Variants in ZC3H3 observed in about 807,000 individuals in gnomAD.
The protein encoded by ZC3H3 is zinc finger CCCH-type containing 3.
Under a neutral mutation model 77.3 loss-of-function variants are expected in ZC3H3, and 36 were observed. That is an observed-to-expected ratio of 0.47 (90% CI 0.36 to 0.61). The LOEUF (loss-of-function observed/expected upper bound fraction) is 0.61, where lower values mean the gene tolerates loss of function less well. Ranked by LOEUF, ZC3H3 falls within the 20% of genes least tolerant of loss-of-function variation. The pLI, the probability that ZC3H3 is intolerant of heterozygous loss-of-function variation, is 0.00. For synonymous variants in ZC3H3, 626 were observed against 555.2 expected (o/e 1.13, Z -1.79); for missense variants, 1,331 against 1,312.2 (o/e 1.01, Z -0.22).
chr8:143,501,176 G>A (rs1821514538), intron 4 of ZC3H3, among the ~76,000 whole-genome samples: 1 of 151,940 alleles, frequency 6.6e-6, no homozygotes, highest in African/African-American at 2.4e-5. Context: ...GGCACCCAGA[G>A]TTGGGCCATG....
At chr8:143,540,508 G>C (rs1822975085) in intron 1 of ZC3H3, among the ~76,000 whole-genome samples, 1 of 152,222 alleles carries the variant, frequency 6.6e-6, no homozygotes, top group African/African-American at 2.4e-5. Flanking sequence ...GGGATTACAG[G>C]TGTGGGCCAC....
intron 4 of ZC3H3, among the ~76,000 whole-genome samples, chr8:143,498,369 C>T (rs984214926): frequency 2.0e-5 from 3 of 152,304 alleles, no homozygotes; most frequent in Admixed American, 2.0e-4. Flanking sequence ...CAGGAGATCC[C>T]GGTACTTAGG....
In ZC3H3 at chr8:143,504,119, G is replaced by C. The variant is rs1008605057; in HGVS notation, c.1715+3627C>G. Among the ~76,000 whole-genome samples the C allele has an allele frequency of 2.0e-5, 3 of 152,182 alleles. No homozygotes were observed. In the East Asian group the frequency reaches 5.8e-4, roughly 29 times the overall value. On this transcript the variant is annotated intron_variant, in intron 4 of 11. Transcript: ENST00000262577. ...GGAGTTTCTAGAGCTTCCCAGAGGAGGGAACAGGCCTAATCACCCTGAGCC... is the reference window on the plus strand; with the variant it reads ...GGAGTTTCTAGAGCTTCCCAGAGGACGGAACAGGCCTAATCACCCTGAGCC...
intron 9 of ZC3H3, among the ~76,000 whole-genome samples, chr8:143,455,614 AT>A (rs1326603576): frequency 2.6e-5 from 4 of 152,156 alleles, no homozygotes; most frequent in Non-Finnish European, 5.9e-5. Flanking sequence ...ATTAATGTTA[AT>A]TTTGCTGTCA....
chr8:143,453,999 C>T (rs77022820), intron 9 of ZC3H3, among the ~76,000 whole-genome samples: 1,560 of 152,198 alleles, frequency 0.01, 20 homozygotes, highest in African/African-American at 0.033. Flanking sequence ...TCACTCTCTG[C>T]AGTTTCAGTT....
intron 3 of ZC3H3, among the ~76,000 whole-genome samples, chr8:143,516,962 T>C (rs1159033432): frequency 1.3e-5 from 2 of 152,064 alleles, no homozygotes; most frequent in East Asian, 3.8e-4. Flanking sequence ...AGCCGCCCTG[T>C]CCCCCCCGTG....
At chr8:143,508,738 T>G (rs1482879675) in intron 3 of ZC3H3, among the ~76,000 whole-genome samples, 1 of 73,960 alleles carries the variant, frequency 1.4e-5, no homozygotes, top group Admixed American at 1.5e-4. Flanking sequence ...CTCCACCCCC[T>G]TCAGGGTCGC....
At chr8:143,500,096 C>G (rs1041259148) in intron 4 of ZC3H3, among the ~76,000 whole-genome samples, 4 of 152,264 alleles carry the variant, frequency 2.6e-5, no homozygotes, top group Admixed American at 1.3e-4. Flanking sequence ...CTCAACCCCC[C>G]ACAGGCCCCT....
intron 4 of ZC3H3, chr8:143,484,704 T>G: frequency 4.0e-6 from 1 of 249,044 alleles, no homozygotes. Flanking sequence ...TTGGGCTGGG[T>G]CATCGGCCCA....
At chr8:143,523,608 G>C (rs1274263037) in intron 3 of ZC3H3, 1 of 902,538 alleles carries the variant, frequency 1.1e-6, no homozygotes, top group Non-Finnish European at 1.3e-6. Context: ...ACATCCGTTT[G>C]AGGACCCCTG....
In ZC3H3 at chr8:143,507,819, C is replaced by T. The variant is rs1352895825; in HGVS notation, c.1642G>A (p.Ala548Thr). ...AAGGGCGGGGCGCTGAGAGGCGAGG[C>T]CGGCGTCTTCTTGACAATGCGGTAG... ...TRYRIVKKTP[A>T]SPLSAPPFPL... The change falls in exon 4 of 12, where the codon GCC becomes ACC. Residue 548 changes from alanine (A) to threonine (T), a missense_variant. Physicochemically the swap from Ala to Thr is moderately conservative, Grantham distance 58. Around this residue, in one of 3 missense-constraint regions of ZC3H3, gnomAD observed 978 missense variants for 915.5 expected, o/e 1.07. Transcript: ENST00000262577. 5 of 1,609,302 alleles carry T rather than the reference C, an allele frequency of 3.1e-6. No homozygotes were observed. Among genetic ancestry groups the T allele is most frequent in the South Asian group, 1.1e-5 (1 of 90,918 alleles).
chr8:143,517,632 C>G (rs1046156856), intron 3 of ZC3H3, among the ~76,000 whole-genome samples: 1 of 152,196 alleles, frequency 6.6e-6, no homozygotes, highest in African/African-American at 2.4e-5. Flanking sequence ...GCTCTCCCCA[C>G]TGGCCTGCAG....
intron 3 of ZC3H3, among the ~76,000 whole-genome samples, chr8:143,508,483 G>A (rs981801462): frequency 3.9e-5 from 6 of 152,202 alleles, no homozygotes; most frequent in Non-Finnish European, 5.9e-5. Context: ...TAGACACGAC[G>A]GCTTTTTTCT....
intron 3 of ZC3H3, among the ~76,000 whole-genome samples, chr8:143,511,579 G>A (rs1156878018): frequency 6.6e-6 from 1 of 152,118 alleles, no homozygotes; most frequent in African/African-American, 2.4e-5. Context: ...GAGTATCCTG[G>A]GGAGCTGTCC....
At chr8:143,524,495 G>A (rs1822349046) in intron 3 of ZC3H3, among the ~76,000 whole-genome samples, 1 of 152,258 alleles carries the variant, frequency 6.6e-6, no homozygotes. Flanking sequence ...CGGCCTCAAA[G>A]AAACCCCAGC....
At chr8:143,446,672 A>T (rs1219015307) in intron 9 of ZC3H3, among the ~76,000 whole-genome samples, 1 of 152,248 alleles carries the variant, frequency 6.6e-6, no homozygotes, top group African/African-American at 2.4e-5. Flanking sequence ...AAAGTAAAAA[A>T]AGGTTGAACA....
At chr8:143,519,241 G>A (rs1287489132) in intron 3 of ZC3H3, among the ~76,000 whole-genome samples, 1 of 152,186 alleles carries the variant, frequency 6.6e-6, no homozygotes, top group Non-Finnish European at 1.5e-5. Context: ...GCAGGCTGCA[G>A]ACAGGCCCCC....
In ZC3H3 at chr8:143,494,103, G is replaced by A. The variant is rs1344590898; in HGVS notation, c.1715+13643C>T. Reference sequence around the variant, plus strand: ...AGCCTGGGGAGTGGGAGGGGAAGGGGAGCGCTGAGGGCCATCCCCACAGGC... The same window carrying A: ...AGCCTGGGGAGTGGGAGGGGAAGGGAAGCGCTGAGGGCCATCCCCACAGGC... On this transcript the variant is annotated intron_variant, in intron 4 of 11. Transcript: ENST00000262577. This position sits in a 1 kb window ranked among gnomAD's most constrained non-coding sequence, Gnocchi z 5.3. Among the ~76,000 whole-genome samples the A allele has an allele frequency of 1.3e-5, 2 of 152,144 alleles. No homozygotes were observed. Among genetic ancestry groups the A allele is most frequent in the Non-Finnish European group, 2.9e-5 (2 of 68,026 alleles).
intron 1 of ZC3H3, among the ~76,000 whole-genome samples, chr8:143,539,804 G>A (rs548151060): frequency 6.6e-6 from 1 of 152,276 alleles, no homozygotes; most frequent in South Asian, 2.1e-4. Flanking sequence ...CCTGACAACA[G>A]GAAAAAAGAA....
Sources: allele counts gnomAD v4.1 joint callset (sites outside exome capture counted in the v4.1 genomes callset), GRCh38; gene constraint gnomAD v4.1.1; regional missense constraint gnomAD v4.1.1; non-coding constraint Gnocchi (gnomAD v3.1); transcripts MANE v1.5; gene names NCBI Gene and HGNC (gene_info 2026-07-23, HGNC 2026-07-21).